The following PHF19 variants were observed in gnomAD, a reference collection of about 807,000 sequenced individuals.
The protein encoded by PHF19 is polycomb like 3.
PHF19 carries 21 observed loss-of-function variants against 79.8 expected under a neutral mutation model. That is an observed-to-expected ratio of 0.26 (90% CI 0.19 to 0.38). The LOEUF (loss-of-function observed/expected upper bound fraction) is 0.38, where lower values mean the gene tolerates loss of function less well. Among genes scored for constraint, PHF19 ranks in the 10% least tolerant of loss-of-function variants. PHF19 has a pLI of 1.00. For synonymous variants in PHF19, 273 were observed against 296.3 expected (o/e 0.92, Z 0.81); for missense variants, 445 against 744.2 (o/e 0.60, Z 4.68).
At chr9:120,899,193 A>G, upstream of PHF19, among the ~76,000 whole-genome samples, 1 of 117,368 alleles carries the variant, frequency 8.5e-6, no homozygotes, top group South Asian at 2.8e-4. Flanking sequence ...AACGAGACTC[A>G]GTCTCAAAGA....
At chr9:120,871,414 TA>T (rs2045891296) in intron 3 of PHF19, among the ~76,000 whole-genome samples, 1 of 152,236 alleles carries the variant, frequency 6.6e-6, no homozygotes, top group Non-Finnish European at 1.5e-5. Context: ...ACTGCACCTA[TA>T]AGTTAACATA....
intron 1 of PHF19, among the ~76,000 whole-genome samples, chr9:120,890,555 G>A (rs375800513): frequency 6.6e-6 from 1 of 152,114 alleles, no homozygotes; most frequent in Non-Finnish European, 1.5e-5. Flanking sequence ...TCCTGGTTCC[G>A]AGTCAAAGGA....
At position 120,866,390 on chromosome 9, in the gene PHF19, G is replaced by A. The variant is rs1259659245; in HGVS notation, c.711-294C>T. Among the ~76,000 whole-genome samples, 1 of 152,148 alleles carries A rather than the reference G, an allele frequency of 6.6e-6. No homozygotes were observed. Among genetic ancestry groups the A allele is most frequent in the Non-Finnish European group, 1.5e-5 (1 of 68,014 alleles). ...CCATGGTCACCCTCTTCCCCTCTGA[G>A]ACAGCCACACACGCAATCACAAATG... On this transcript the variant is annotated intron_variant, in intron 7 of 14. Coordinates refer to ENST00000373896, the MANE Select transcript of PHF19 (RefSeq NM_015651.3). The surrounding 1 kb of genome is among the most constrained non-coding windows in gnomAD (Gnocchi z 5.2).
At chr9:120,882,617 G>A (rs558390594) in intron 1 of PHF19, among the ~76,000 whole-genome samples, 8 of 152,126 alleles carry the variant, frequency 5.3e-5, no homozygotes, top group African/African-American at 1.7e-4. Flanking sequence ...TGAGGTGGGC[G>A]GATCACCTGA....
chr9:120,890,973 G>A (rs1261425839), intron 1 of PHF19, among the ~76,000 whole-genome samples: 1 of 152,078 alleles, frequency 6.6e-6, no homozygotes, highest in African/African-American at 2.4e-5. Flanking sequence ...ACCCAGGTGC[G>A]ACAAACAACC....
At chr9:120,864,681 TCAAA>T (rs536447515) in intron 9 of PHF19, among the ~76,000 whole-genome samples, 109 of 152,276 alleles carry the variant, frequency 7.2e-4, no homozygotes, top group African/African-American at 2.2e-3. Context: ...AGACTCCGTC[TCAAA>T]CAAACAAACA....
chr9:120,866,916 C>T lies in PHF19; in HGVS notation c.664G>A (p.Glu222Lys). 1 of 1,612,420 alleles carries T rather than the reference C, an allele frequency of 6.2e-7. No homozygotes were observed. Among genetic ancestry groups the T allele is most frequent in the Non-Finnish European group, 8.5e-7 (1 of 1,178,430 alleles). ...TCATTGAGGCACTGGGTGCAGGCCT[C>T]GTGGAACCACTGCCTGCACCGGTAA... ...QCYRCRQWFH[E>K]ACTQCLNEPM... Residue 222 changes from glutamate to lysine, a missense_variant, in exon 7 of 15, where the codon GAG becomes AAG. By Grantham distance (56) the Glu-to-Lys change is moderately conservative (BLOSUM62 1). Coordinates refer to ENST00000373896, the MANE Select transcript of PHF19 (RefSeq NM_015651.3). The surrounding 1 kb of genome is among the most constrained non-coding windows in gnomAD (Gnocchi z 5.2).
chr9:120,869,852 G>A lies in PHF19; in HGVS notation c.458C>T (p.Ala153Val), dbSNP rs1312402697. Residue 153 changes from alanine to valine, a missense_variant, in exon 5 of 15, where the codon GCT becomes GTT. Around this residue, in one of 5 missense-constraint regions of PHF19, gnomAD observed 167 missense variants for 375.8 expected, o/e 0.44. Coordinates refer to ENST00000373896, the MANE Select transcript of PHF19 (RefSeq NM_015651.3). This position sits in a 1 kb window ranked among gnomAD's most constrained non-coding sequence, Gnocchi z 5.8. ...WFCRRCIFAL[A>V]VRKGGALKKG... ...GGAGGATGGAAGGCTCACCCGCACA[G>A]CCAGTGCGAAGATGCAGCGTCGGCA... is the stretch of plus-strand genomic sequence containing the variant. 1.2e-6 allele frequency: 2 copies of A among 1,612,628 alleles called. No individual in the cohort carries two copies. Among genetic ancestry groups the A allele is most frequent in the Non-Finnish European group, 1.7e-6 (2 of 1,179,482 alleles).
chr9:120,877,357 G>T, upstream of PHF19: 1 of 981,000 alleles, frequency 1.0e-6, no homozygotes, highest in Non-Finnish European at 1.2e-6. Context: ...TTGACGTCCC[G>T]CTTATGTAAT....
chr9:120,900,604 T>C, the PHF19 span, among the ~76,000 whole-genome samples: 1 of 152,216 alleles, frequency 6.6e-6, no homozygotes, highest in Non-Finnish European at 1.5e-5. Flanking sequence ...TCTTGCTCTG[T>C]CACCCAGGCT....
intron 1 of PHF19, chr9:120,894,695 T>G: frequency 2.1e-6 from 1 of 478,540 alleles, no homozygotes; most frequent in Non-Finnish European, 3.2e-6. Context: ...GCTCAATGCG[T>G]TCCATATGGC....
At chr9:120,901,518 A>T in the PHF19 span, among the ~76,000 whole-genome samples, 2 of 152,208 alleles carry the variant, frequency 1.3e-5, no homozygotes. Flanking sequence ...TTCTAATGCC[A>T]GTCCCATCCC....
chr9:120,857,748 A>C lies in PHF19; in HGVS notation c.*196T>G, dbSNP rs967477203. 8 of 523,730 alleles carry C rather than the reference A, an allele frequency of 1.5e-5. No homozygotes were observed. The highest frequency in any genetic ancestry group is 3.4e-5 in the Admixed American group (1 of 29,302). The allele number at this position is 523,730 out of a possible 1,614,324, so 32.4% of individuals were successfully genotyped here. On this transcript the variant is annotated 3_prime_UTR_variant, in exon 15 of 15. Transcript: ENST00000373896. The stretch of plus-strand genomic sequence containing the variant: ...AGGCACAGGGGTAACGAGCCTGAGG[A>C]GGCCCTGGAACAGAGCTGGTACAGC...
At chr9:120,875,872 T>A (rs2046032490) in intron 1 of PHF19, 1 of 153,014 alleles carries the variant, frequency 6.5e-6, no homozygotes, top group Non-Finnish European at 1.5e-5. Flanking sequence ...TCCTTTCTGC[T>A]GGGCTCACCT....
chr9:120,901,847 A>G, the PHF19 span, among the ~76,000 whole-genome samples: 2 of 152,282 alleles, frequency 1.3e-5, no homozygotes, highest in Admixed American at 1.3e-4. Context: ...TTGGGGGCAA[A>G]AGGTGTGACT....
chr9:120,892,478 C>T (rs1045850275), intron 1 of PHF19, among the ~76,000 whole-genome samples: 2 of 152,168 alleles, frequency 1.3e-5, no homozygotes, highest in African/African-American at 4.8e-5. Context: ...AAAAAAATAC[C>T]TCTCAGGTCT....
At position 120,860,015 on chromosome 9, in the gene PHF19, G is replaced by C. The variant is rs963845138; in HGVS notation, c.1400+75C>G. 9.1e-6 allele frequency: 7 copies of C among 772,052 alleles called. No homozygotes were observed. Among genetic ancestry groups the C allele is most frequent in the Non-Finnish European group, 1.6e-5 (7 of 436,432 alleles). 47.8% of individuals were successfully genotyped at this position (772,052 alleles called of 1,614,324 possible). On this transcript the variant is annotated intron_variant, in intron 14 of 14. Coordinates refer to ENST00000373896, the MANE Select transcript of PHF19 (RefSeq NM_015651.3). This position sits in a 1 kb window ranked among gnomAD's most constrained non-coding sequence, Gnocchi z 4.1. ...CACATAGAATGAGCCACACATTACA[G>C]AAGTGGGAGGTGGAGGGGCTGAGAG... is the stretch of plus-strand genomic sequence containing the variant.
In PHF19 at chr9:120,858,204, C is replaced by G; in HGVS notation, c.1483G>C (p.Asp495His). 6.3e-7 allele frequency: 1 copy of G among 1,592,294 alleles called. No individual in the cohort carries two copies. ...LRAKRWAAEL[D>H]GRCPSDSSAE... The stretch of plus-strand genomic sequence containing the variant: ...CTGCTGTCCGAGGGGCAGCGTCCAT[C>G]CAGCTCAGCTGCCCACCGCTTTGCC... Residue 495 changes from aspartate (D) to histidine (H), a missense_variant, in exon 15 of 15, where the codon GAT becomes CAT. Physicochemically the swap from Asp to His is moderately conservative, Grantham distance 81 (BLOSUM62 -1). Around this residue, in one of 5 missense-constraint regions of PHF19, gnomAD observed 125 missense variants for 180.5 expected, o/e 0.69. Transcript: ENST00000373896.
chr9:120,863,026 C>CACCTCCTGCAGGAAG (rs2045581023), intron 10 of PHF19: 1 of 410,778 alleles, frequency 2.4e-6, no homozygotes, highest in Non-Finnish European at 4.5e-6. Context: ...GCCCCAAGGC[C>CACCTCCTGCAGGAAG]ACCTCCTGCA....
Sources: gnomAD v4.1 joint callset for allele counts (sites outside exome capture counted in the v4.1 genomes callset) on GRCh38, gnomAD v4.1.1 for gene constraint, gnomAD v4.1.1 regional missense constraint, Gnocchi (gnomAD v3.1) non-coding constraint, MANE v1.5 for transcripts, NCBI Gene and HGNC (gene_info 2026-07-23, HGNC 2026-07-21) for gene names.